ASXL2: variants seen among roughly 807,000 people sequenced by gnomAD.
The protein encoded by ASXL2 is ASXL transcriptional regulator 2.
Under a neutral mutation model 122.0 loss-of-function variants are expected in ASXL2, and 23 were observed. The observed-to-expected ratio is 0.19, with a 90% confidence interval of 0.14 to 0.27. The LOEUF is 0.27. Among genes scored for constraint, ASXL2 ranks in the 10% least tolerant of loss-of-function variants. ASXL2 has a pLI of 1.00. For missense variants in ASXL2, 1,518 were observed against 1,713.8 expected (o/e 0.89, Z 2.02); for synonymous variants, 650 against 637.0 (o/e 1.02, Z -0.31).
chr2:25,743,734 G>A lies in ASXL2; in HGVS notation c.2603C>T (p.Pro868Leu), dbSNP rs376421124. ...KAGPSKNIPN[P>L]SASSKTDASV... ...AGCATCTGTCTTTGATGAGGCTGAA[G>A]GGTTAGGTATATTCTTACTAGGACC... is the stretch of plus-strand genomic sequence containing the variant. The change falls in exon 13 of 13, where the codon CCT becomes CTT. Residue 868 changes from proline to leucine, a missense_variant. This residue lies in a region of ASXL2 where 831 missense variants were observed against 833.1 expected (regional missense o/e 1.00). Transcript: ENST00000435504. 2.3e-5 allele frequency: 37 copies of A among 1,613,858 alleles called. No homozygotes were observed. Among genetic ancestry groups the A allele is most frequent in the African/African-American group, 2.0e-4 (15 of 74,906 alleles).
chr2:25,753,738 T>C, intron 10 of ASXL2, 99 bp from the exon 11 acceptor site: 1 of 898,644 alleles, frequency 1.1e-6, no homozygotes, highest in Non-Finnish European at 1.7e-6. Context: ...ATTGGAATAC[T>C]ACCATGTGAA....
intron 2 of ASXL2, among the ~76,000 whole-genome samples, chr2:25,842,711 G>T (rs1366380762): frequency 3.4e-5 from 5 of 146,216 alleles, no homozygotes; most frequent in African/African-American, 7.9e-5. Flanking sequence ...TATATAGATA[G>T]ATAGATAGAT....
At chr2:25,764,912 C>A (rs908693421) in intron 8 of ASXL2, among the ~76,000 whole-genome samples, 1 of 152,136 alleles carries the variant, frequency 6.6e-6, no homozygotes, top group African/African-American at 2.4e-5. Context: ...CCTGAAGATA[C>A]TTTTGTGCCT....
chr2:25,783,163 AAT>A, intron 5 of ASXL2, among the ~76,000 whole-genome samples: 1 of 152,204 alleles, frequency 6.6e-6, no homozygotes, highest in Non-Finnish European at 1.5e-5. Flanking sequence ...AAAAAATAAA[AAT>A]ATGATTGAAT....
intron 9 of ASXL2, among the ~76,000 whole-genome samples, chr2:25,758,407 T>C (rs1385673576): frequency 6.6e-6 from 1 of 152,076 alleles, no homozygotes; most frequent in Non-Finnish European, 1.5e-5. Flanking sequence ...AAGTTGGGGG[T>C]TGGGGAGACC....
chr2:25,780,312 T>A (rs915197021), intron 5 of ASXL2: 1 of 152,010 alleles, frequency 6.6e-6, no homozygotes, highest in Non-Finnish European at 1.5e-5. Context: ...CTGGAGGATA[T>A]CCTAGAACAG....
At chr2:25,765,560 T>C (rs1301247949) in intron 8 of ASXL2, among the ~76,000 whole-genome samples, 2 of 152,218 alleles carry the variant, frequency 1.3e-5, no homozygotes, top group Admixed American at 6.5e-5. Context: ...TTTACGCTCA[T>C]TTGCTTGAAA....
At chr2:25,762,500 T>C (rs943273511) in intron 8 of ASXL2, among the ~76,000 whole-genome samples, 2 of 151,590 alleles carry the variant, frequency 1.3e-5, no homozygotes, top group Admixed American at 1.3e-4. Flanking sequence ...AACCCATTTC[T>C]ACTAAAAGTA....
At chr2:25,814,244 A>C (rs2089207829) in intron 3 of ASXL2, among the ~76,000 whole-genome samples, 1 of 152,180 alleles carries the variant, frequency 6.6e-6, no homozygotes, top group Non-Finnish European at 1.5e-5. Flanking sequence ...CGGGCAGTTT[A>C]TTTTTATGAA....
At chr2:25,826,416 T>C (rs981435944) in intron 3 of ASXL2, among the ~76,000 whole-genome samples, 1 of 152,208 alleles carries the variant, frequency 6.6e-6, no homozygotes, top group African/African-American at 2.4e-5. Flanking sequence ...TACATTAAGC[T>C]TGTACCGTCC....
intron 1 of ASXL2, among the ~76,000 whole-genome samples, chr2:25,873,151 C>T (rs1181470663): frequency 6.6e-6 from 1 of 151,604 alleles, no homozygotes; most frequent in Non-Finnish European, 1.5e-5. Flanking sequence ...TCCTTTGCAT[C>T]CTCATAGCTT....
At chr2:25,875,785 TA>T (rs2090005182) in intron 1 of ASXL2, among the ~76,000 whole-genome samples, 4 of 152,200 alleles carry the variant, frequency 2.6e-5, no homozygotes, top group Non-Finnish European at 4.4e-5. Context: ...CTTGACATCC[TA>T]ATGCCTAAGA....
chr2:25,751,212 T>A (rs180894235), intron 11 of ASXL2, among the ~76,000 whole-genome samples: 1 of 152,218 alleles, frequency 6.6e-6, no homozygotes, highest in African/African-American at 2.4e-5. Flanking sequence ...GAGTCAGTAC[T>A]GTGCTTCTGA....
intron 3 of ASXL2, among the ~76,000 whole-genome samples, chr2:25,814,063 T>C (rs28609252): frequency 2.1e-5 from 3 of 146,298 alleles, no homozygotes; most frequent in Non-Finnish European, 3.0e-5. Context: ...AAATAAAAAA[T>C]AAAAAAAAAA....
At chr2:25,759,719 C>G in intron 8 of ASXL2, 74 bp from the exon 9 acceptor site, 1 of 1,453,494 alleles carries the variant, frequency 6.9e-7, no homozygotes. Flanking sequence ...GCTTTCTGTG[C>G]AGTATAAAAA....
chr2:25,750,481 G>T (rs2088026823), intron 11 of ASXL2, 68 bp from the exon 12 acceptor site: 1 of 1,359,104 alleles, frequency 7.4e-7, no homozygotes, highest in Non-Finnish European at 1.0e-6. Flanking sequence ...TTCATTAATA[G>T]AGATAATGGA....
At position 25,878,470 on chromosome 2, in the gene ASXL2, C is replaced by G. The variant is rs1017209000; in HGVS notation, c.-248G>C. 8 of 528,036 alleles carry G rather than the reference C, an allele frequency of 1.5e-5. No individual in the cohort carries two copies. The highest frequency in any genetic ancestry group is 3.9e-5 in the African/African-American group (2 of 50,712). 32.7% of individuals were successfully genotyped at this position (528,036 alleles called of 1,614,324 possible). ...CCATATTGGGTTCTTACTGTACAGG[C>G]TGCCGCTACGGTCATGTGACCGCTC... On this transcript the variant is annotated 5_prime_UTR_variant, in exon 1 of 13. Coordinates refer to ENST00000435504, the MANE Select transcript of ASXL2 (RefSeq NM_018263.6).
At chr2:25,817,588 T>G (rs1474246452) in intron 3 of ASXL2, among the ~76,000 whole-genome samples, 1 of 152,210 alleles carries the variant, frequency 6.6e-6, no homozygotes, top group Non-Finnish European at 1.5e-5. Context: ...CAAGAAATAT[T>G]GAAGTAAATA....
chr2:25,839,247 C>A (rs191541397), intron 2 of ASXL2, among the ~76,000 whole-genome samples: 1 of 152,248 alleles, frequency 6.6e-6, no homozygotes, highest in Admixed American at 6.5e-5. Flanking sequence ...ATTTTAGCCA[C>A]AGAAAATTGA....
Sources: gnomAD v4.1 joint callset for allele counts (sites outside exome capture counted in the v4.1 genomes callset) on GRCh38, gnomAD v4.1.1 for gene constraint, gnomAD v4.1.1 regional missense constraint, MANE v1.5 for transcripts, NCBI Gene and HGNC (gene_info 2026-07-23, HGNC 2026-07-21) for gene names.